GPC5: variants seen among roughly 807,000 people sequenced by gnomAD.
The protein encoded by GPC5 is glypican-5.
In GPC5, 47 loss-of-function variants were observed where a neutral mutation model predicts 53.9. The observed-to-expected ratio is 0.87, with a 90% confidence interval of 0.69 to 1.11. The LOEUF is 1.11. GPC5 is among the 50% of genes most tolerant of loss of function. The probability of loss-of-function intolerance (pLI) is 0.00; values close to 1 mark genes in which losing one functional copy is unlikely to be tolerated. For synonymous variants in GPC5, 286 were observed against 263.3 expected, an observed-to-expected ratio of 1.09 and a Z score of -0.84; for missense variants, 748 against 713.1, an observed-to-expected ratio of 1.05 and a Z score of -0.56.
intron 2 of GPC5, among the ~76,000 whole-genome samples, chr13:91,571,919 T>TATTGTATATATACAC (rs1479631944): frequency 1.1e-5 from 1 of 94,800 alleles, no homozygotes; most frequent in African/African-American, 4.5e-5. Flanking sequence ...TATATACACA[T>TATTGTATATATACAC]ATTGTATATA....
intron 2 of GPC5, among the ~76,000 whole-genome samples, chr13:91,650,371 A>G (rs970122720): frequency 6.6e-6 from 1 of 152,136 alleles, no homozygotes. Flanking sequence ...ATCTTGTAGT[A>G]TGTAACCTTA....
chr13:92,329,248 G>A (rs1404081249), intron 7 of GPC5, among the ~76,000 whole-genome samples: 3 of 152,102 alleles, frequency 2.0e-5, no homozygotes, highest in East Asian at 1.9e-4. Context: ...CATGGCATCC[G>A]CAGCTGTTCA....
chr13:92,838,459 G>T (rs1322460245), intron 7 of GPC5, among the ~76,000 whole-genome samples: 1 of 150,966 alleles, frequency 6.6e-6, no homozygotes. Flanking sequence ...CTCCAGCCTG[G>T]GCTACAGAGT....
rs77607245 is a variant in GPC5, at chr13:91,631,439, C to T, written c.326-61748C>T. On this transcript the variant is annotated intron_variant, in intron 2 of 7. Transcript: ENST00000377067. Reference sequence around the variant, plus strand: ...TGTGGCCTATTGGTAAACTGAACTACATAGGGAGGCAGAACCTAGTATGGA... The same window carrying T: ...TGTGGCCTATTGGTAAACTGAACTATATAGGGAGGCAGAACCTAGTATGGA... Among the ~76,000 whole-genome samples the T allele has an allele frequency of 4.6e-3, 695 of 152,168 alleles. 6 individuals are homozygous for T. Among genetic ancestry groups the T allele is most frequent in the African/African-American group, 0.016 (666 of 41,518 alleles).
Position 91,614,422 on chromosome 13 carries a change from C to T in GPC5, c.326-78765C>T, listed in dbSNP as rs145746530. 2.3e-3 allele frequency among the ~76,000 whole-genome samples: 348 copies of T among 152,274 alleles called. 3 individuals are homozygous for T. Among genetic ancestry groups the T allele is most frequent in the African/African-American group, 8.0e-3 (331 of 41,564 alleles). On this transcript the variant is annotated intron_variant, in intron 2 of 7. Coordinates refer to ENST00000377067, the MANE Select transcript of GPC5 (RefSeq NM_004466.6). Reference sequence around the variant, plus strand: ...GGTTCACCACAACCTCCCTCCGCCTCCTTAGCTCAAGTGATCTTCCCACCT... The same window carrying T: ...GGTTCACCACAACCTCCCTCCGCCTTCTTAGCTCAAGTGATCTTCCCACCT...
At chr13:92,342,910 T>A (rs1566547299) in intron 7 of GPC5, among the ~76,000 whole-genome samples, 1 of 152,162 alleles carries the variant, frequency 6.6e-6, no homozygotes, top group Non-Finnish European at 1.5e-5. Flanking sequence ...TTTATCATAC[T>A]TATGTACAAA....
At position 91,756,362 on chromosome 13, in the gene GPC5, A is replaced by G. The variant is rs1489041556; in HGVS notation, c.1222A>G (p.Asn408Asp). 10 of 1,595,108 alleles carry G rather than the reference A, an allele frequency of 6.3e-6. No individual in the cohort carries two copies. The highest frequency in any genetic ancestry group is 1.3e-5 in the African/African-American group (1 of 74,792). The change falls in exon 5 of 8, where the codon AAT (asparagine) becomes GAT (aspartate). Residue 408 changes from asparagine (N) to aspartate (D), a missense_variant. Coordinates refer to ENST00000377067, the MANE Select transcript of GPC5 (RefSeq NM_004466.6). ...YGGLADQLCA[N>D]ELAAADGLPC... ...AGGTCTAGCTGATCAGCTTTGTGCT[A>G]ATGAATTAGCTGCTGCAGATGGACT...
At chr13:91,630,680 C>T (rs753987027) in intron 2 of GPC5, among the ~76,000 whole-genome samples, 11 of 152,158 alleles carry the variant, frequency 7.2e-5, no homozygotes, top group Middle Eastern at 3.4e-3. Context: ...CCTCTTTGGG[C>T]GGGCTGGCTG....
At chr13:92,590,793 C>T (rs1042608479) in intron 7 of GPC5, among the ~76,000 whole-genome samples, 1 of 152,170 alleles carries the variant, frequency 6.6e-6, no homozygotes, top group Non-Finnish European at 1.5e-5. Flanking sequence ...TTATTGAGCA[C>T]TTTCCATTTG....
intron 7 of GPC5, among the ~76,000 whole-genome samples, chr13:92,697,176 T>G (rs530487189): frequency 6.6e-6 from 1 of 152,230 alleles, no homozygotes; most frequent in East Asian, 1.9e-4. Context: ...GTCTTGGCTA[T>G]GTGGGCTCTT....
chr13:91,642,763 A>T (rs1435930046), intron 2 of GPC5, among the ~76,000 whole-genome samples: 5 of 149,864 alleles, frequency 3.3e-5, no homozygotes, highest in African/African-American at 9.9e-5. Flanking sequence ...TTATTCCAAG[A>T]TTATAGAAGC....
At chr13:92,125,648 A>G (rs1428161995) in intron 6 of GPC5, among the ~76,000 whole-genome samples, 3 of 152,118 alleles carry the variant, frequency 2.0e-5, no homozygotes, top group African/African-American at 7.2e-5. Context: ...TGGGAAAATC[A>G]TTGGTAGAGT....
intron 5 of GPC5, among the ~76,000 whole-genome samples, chr13:91,868,067 A>G (rs1296167045): frequency 2.6e-5 from 4 of 152,206 alleles, no homozygotes; most frequent in Non-Finnish European, 5.9e-5. Flanking sequence ...TTGAAATCAT[A>G]TTATTCAAGA....
At chr13:92,302,201 C>G (rs893714678) in intron 7 of GPC5, among the ~76,000 whole-genome samples, 1 of 151,994 alleles carries the variant, frequency 6.6e-6, no homozygotes, top group Non-Finnish European at 1.5e-5. Flanking sequence ...GTTTTTTGCA[C>G]TTTAATTAAT....
intron 7 of GPC5, among the ~76,000 whole-genome samples, chr13:92,208,798 A>G (rs1189976169): frequency 6.6e-6 from 1 of 152,238 alleles, no homozygotes; most frequent in African/African-American, 2.4e-5. Context: ...GATAAAGGAT[A>G]ACAAGCATAT....
chr13:92,070,908 T>G (rs1384833585), intron 6 of GPC5, among the ~76,000 whole-genome samples: 1 of 152,222 alleles, frequency 6.6e-6, no homozygotes, highest in East Asian at 1.9e-4. Flanking sequence ...TCTTTTTATT[T>G]TATTGTGAAA....
chr13:92,555,463 G>A (rs1241441245), intron 7 of GPC5, among the ~76,000 whole-genome samples: 4 of 151,160 alleles, frequency 2.6e-5, no homozygotes, highest in African/African-American at 9.7e-5. Flanking sequence ...AGAATAAAAG[G>A]AAATGACTTA....
chr13:92,583,830 C>A (rs914491363), intron 7 of GPC5, among the ~76,000 whole-genome samples: 2 of 152,080 alleles, frequency 1.3e-5, no homozygotes, highest in African/African-American at 4.8e-5. Flanking sequence ...ATCATGAGGG[C>A]AGGTCTTTCC....
At chr13:91,965,906 A>G (rs1484007056) in intron 6 of GPC5, among the ~76,000 whole-genome samples, 7 of 152,204 alleles carry the variant, frequency 4.6e-5, no homozygotes, top group African/African-American at 1.7e-4. Context: ...CATTCTTAGA[A>G]TATTTGATTT....
Sources: allele counts gnomAD v4.1 joint callset (sites outside exome capture counted in the v4.1 genomes callset), GRCh38; gene constraint gnomAD v4.1.1; transcripts MANE v1.5; gene names NCBI Gene and HGNC (gene_info 2026-07-23, HGNC 2026-07-21).